The following ALS2 variants were observed in gnomAD, a reference collection of about 807,000 sequenced individuals.
ALS2 encodes the protein alsin.
Under a neutral mutation model 203.4 loss-of-function variants are expected in ALS2, and 117 were observed. The ratio of observed to expected loss-of-function variants is 0.58; its 90% CI spans 0.50 to 0.67. The LOEUF is 0.67. ALS2 is among the 30% of genes least tolerant of loss of function. ALS2 has a pLI of 0.00. For synonymous variants in ALS2, 718 were observed against 725.9 expected, an observed-to-expected ratio of 0.99 and a Z score of 0.17; for missense variants, 1,715 against 1,989.4, an observed-to-expected ratio of 0.86 and a Z score of 2.62.
At chr2:201,771,393 T>C (rs542554715) in intron 1 of ALS2, among the ~76,000 whole-genome samples, 1 of 152,232 alleles carries the variant, frequency 6.6e-6, no homozygotes, top group Non-Finnish European at 1.5e-5. Context: ...TTAATATGTT[T>C]GACATCTTCC....
intron 16 of ALS2, 147 bp from the exon 17 acceptor site, chr2:201,727,425 G>C (rs760160366): frequency 1.3e-6 from 1 of 799,546 alleles, no homozygotes; most frequent in Non-Finnish European, 2.1e-6. Flanking sequence ...GCGCCACCAC[G>C]GTGGAAAGAA....
Position 201,746,705 on chromosome 2 carries a change from T to A in ALS2, c.1859A>T (p.Asp620Val). ...NGVWSIAAGR[D>V]YSLFLVDTED... is the part of the protein sequence containing the mutation. ...TGTATCCACTAAAAACAGGGAATAA[T>A]CCCTGCCTGCAGCTATGCTCCAGAC... The change falls in exon 9 of 34, where the codon GAT (aspartate) becomes GTT (valine). Residue 620 changes from aspartate to valine, a missense_variant. By Grantham distance (152) the Asp-to-Val change is radical. This residue lies in a region of ALS2 where 1,227 missense variants were observed against 1,413.5 expected (regional missense o/e 0.87). Transcript: ENST00000264276. 3.1e-6 allele frequency: 5 copies of A among 1,614,086 alleles called. No homozygotes were observed. The highest frequency in any genetic ancestry group is 4.2e-6 in the Non-Finnish European group (5 of 1,180,014).
At chr2:201,760,595 A>G in intron 4 of ALS2, 1 of 1,211,532 alleles carries the variant, frequency 8.3e-7, no homozygotes, top group African/African-American at 1.6e-5. Flanking sequence ...TACTTTAGCC[A>G]TAGAAAAAAA....
chr2:201,737,731 G>A (rs180770871), intron 12 of ALS2, among the ~76,000 whole-genome samples: 1 of 152,214 alleles, frequency 6.6e-6, no homozygotes, highest in Non-Finnish European at 1.5e-5. Flanking sequence ...AGACCAGCTT[G>A]GTCAACATGG....
intron 9 of ALS2, among the ~76,000 whole-genome samples, chr2:201,744,853 T>C (rs1317617034): frequency 1.3e-5 from 2 of 152,192 alleles, no homozygotes; most frequent in African/African-American, 4.8e-5. Context: ...TAAAATAAGA[T>C]TAATGAGACC....
At position 201,753,196 on chromosome 2, in the gene ALS2, G is replaced by T. The variant is rs757139830; in HGVS notation, c.1687C>A (p.His563Asn). The T allele has an allele frequency of 6.2e-7, 1 of 1,614,080 alleles. No individual in the cohort carries two copies. Among genetic ancestry groups the T allele is most frequent in the African/African-American group, 1.3e-5 (1 of 75,042 alleles). The change falls in exon 7 of 34, where the codon CAT becomes AAT. Residue 563 changes from histidine (H) to asparagine (N), a missense_variant. Physicochemically the swap from His to Asn is moderately conservative, Grantham distance 68. Coordinates refer to ENST00000264276, the MANE Select transcript of ALS2 (RefSeq NM_020919.4). ...VKCLDGKEVI[H>N]LEAGGYHSLA... Reference sequence around the variant, plus strand: ...GAATGGTAACCACCTGCCTCCAGATGGATTACTTCTTTGCCATCCAGACAT... The same window carrying T: ...GAATGGTAACCACCTGCCTCCAGATTGATTACTTCTTTGCCATCCAGACAT...
At chr2:201,722,365 C>T (rs1178695982) in intron 23 of ALS2, 1 of 152,172 alleles carries the variant, frequency 6.6e-6, no homozygotes, top group Non-Finnish European at 1.5e-5. Flanking sequence ...AATTAGTATC[C>T]TCAGACATTG....
At chr2:201,707,166 T>C in intron 28 of ALS2, 144 bp from the exon 29 acceptor site, 1 of 730,880 alleles carries the variant, frequency 1.4e-6, no homozygotes, top group East Asian at 2.7e-5. Flanking sequence ...GCTCTTTACA[T>C]ATGGAGTTGA....
At chr2:201,720,440 T>G (rs1334743803) in intron 23 of ALS2, among the ~76,000 whole-genome samples, 1 of 148,814 alleles carries the variant, frequency 6.7e-6, no homozygotes, top group South Asian at 2.1e-4. Flanking sequence ...TGGTGGCTCA[T>G]GCCTGTAATC....
chr2:201,737,160 C>T (rs187205202), intron 12 of ALS2, among the ~76,000 whole-genome samples: 9 of 152,204 alleles, frequency 5.9e-5, no homozygotes, highest in South Asian at 2.1e-4. Flanking sequence ...AATCCCTAAA[C>T]GATACCATAT....
chr2:201,770,556 A>G (rs1159650532), intron 1 of ALS2, among the ~76,000 whole-genome samples: 3 of 152,212 alleles, frequency 2.0e-5, no homozygotes, highest in South Asian at 2.1e-4. Context: ...CAAAGGCATC[A>G]AGGTCCTAAT....
At position 201,707,948 on chromosome 2, in the gene ALS2, G is replaced by A; in HGVS notation, c.4324C>T (p.Leu1442Phe). 6.2e-7 allele frequency: 1 copy of A among 1,613,414 alleles called. No individual in the cohort carries two copies. The highest frequency in any genetic ancestry group is 8.5e-7 in the Non-Finnish European group (1 of 1,179,516). Residue 1442 changes from leucine (L) to phenylalanine (F), a missense_variant, in exon 28 of 34, where the codon CTC becomes TTC. By Grantham distance (22) the Leu-to-Phe change is conservative (BLOSUM62 0). Transcript: ENST00000264276. Reference protein sequence around the residue: ...ELPEEGSTIPLSAPLPTERKS... With the variant: ...ELPEEGSTIPFSAPLPTERKS... ...CTTTCGGTTGGCAGAGGAGCAGAGA[G>A]AGGAATTGTGCTGCCTTCTTCAGGC...
At chr2:201,748,181 T>G (rs1574757711) in intron 8 of ALS2, among the ~76,000 whole-genome samples, 1 of 152,190 alleles carries the variant, frequency 6.6e-6, no homozygotes, top group East Asian at 1.9e-4. Context: ...AGGCTCCAAA[T>G]CATAGGTGAT....
rs745544432 is a variant in ALS2, at chr2:201,744,330, T to C, written c.2098A>G (p.Thr700Ala). The C allele has an allele frequency of 2.7e-5, 43 of 1,614,102 alleles. No homozygotes were observed. The highest frequency in any genetic ancestry group is 3.5e-5 in the Non-Finnish European group (41 of 1,179,948). ...TTTGAATAGAATCGTCTTTCTGTAG[T>C]AGCTAACTCGTGGAGACTGGCAATA... The part of the protein sequence containing the change: ...GYIASLHELA[T>A]TERRFYSKLS... Residue 700 changes from threonine (T) to alanine (A), a missense_variant, in exon 10 of 34, where the codon ACT becomes GCT. Thr to Ala is a moderately conservative substitution (Grantham distance 58, BLOSUM62 0). Around this residue, in one of 3 missense-constraint regions of ALS2, gnomAD observed 1,227 missense variants for 1,413.5 expected, o/e 0.87. Coordinates refer to ENST00000264276, the MANE Select transcript of ALS2 (RefSeq NM_020919.4).
chr2:201,766,663 T>TA (rs1173568540), intron 3 of ALS2, among the ~76,000 whole-genome samples: 1 of 142,412 alleles, frequency 7.0e-6, no homozygotes, highest in Non-Finnish European at 1.6e-5. Context: ...AAAAATAAAA[T>TA]AAAAAAAAGC....
intron 23 of ALS2, among the ~76,000 whole-genome samples, chr2:201,719,612 A>C (rs1304036414): frequency 6.6e-6 from 1 of 151,812 alleles, no homozygotes; most frequent in African/African-American, 2.4e-5. Flanking sequence ...TAAAAATAAA[A>C]ATAAAAATAA....
rs73053689 is a variant in ALS2 at position 201,719,943 on chromosome 2, A to G, written c.3703-1733T>C. 7.7e-3 allele frequency: 1,947 copies of G among 252,072 alleles called. 41 individuals are homozygous for G. Among genetic ancestry groups the G allele is most frequent in the African/African-American group, 0.043 (1,816 of 42,334 alleles). The allele number at this position is 252,072 out of a possible 1,614,324, so 15.6% of individuals were successfully genotyped here. On this transcript the variant is annotated intron_variant, in intron 23 of 33. Transcript: ENST00000264276. ...GAAATAGAAAATCTAAATAGACCTA[A>G]GGCAAGTAAAGAAACTGAGTTAGAA... is the stretch of plus-strand genomic sequence containing the variant.
chr2:201,727,843 CCCTTCATGTCATTAACCCACATGGG>C, intron 15 of ALS2, 68 bp from the exon 16 acceptor site: 1 of 1,406,044 alleles, frequency 7.1e-7, no homozygotes, highest in Non-Finnish European at 9.8e-7. Flanking sequence ...TGCCCATATC[CCCTTCATGTCATTAACCCACATGGG>C]CCTTGCAGTC....
In ALS2 at chr2:201,746,645, C is replaced by T. The variant is rs778055658; in HGVS notation, c.1919G>A (p.Arg640Gln). The T allele has an allele frequency of 7.4e-6, 12 of 1,614,010 alleles. No individual in the cohort carries two copies. The highest frequency in any genetic ancestry group is 4.4e-5 in the South Asian group (4 of 91,080). Residue 640 changes from arginine to glutamine, a missense_variant, in exon 9 of 34, where the codon CGA becomes CAA. By Grantham distance (43) the Arg-to-Gln change is conservative. Coordinates refer to ENST00000264276, the MANE Select transcript of ALS2 (RefSeq NM_020919.4). Reference sequence around the variant, plus strand: ...GTTGTCACCTTCTGTAGGGTCCTGTCGGCCACTGTAATATAACCCAGGCTG... The same window carrying T: ...GTTGTCACCTTCTGTAGGGTCCTGTTGGCCACTGTAATATAACCCAGGCTG... ...DFQPGLYYSGRQDPTEGDNLP... is the reference protein window; with the variant it reads ...DFQPGLYYSGQQDPTEGDNLP...
Sources: allele counts gnomAD v4.1 joint callset (sites outside exome capture counted in the v4.1 genomes callset), GRCh38; gene constraint gnomAD v4.1.1; regional missense constraint gnomAD v4.1.1; transcripts MANE v1.5; gene names NCBI Gene and HGNC (gene_info 2026-07-23, HGNC 2026-07-21).